CDH13: variants seen among roughly 807,000 people sequenced by gnomAD.
CDH13 encodes cadherin 13, also known as cadherin-13.
CDH13 carries 24 observed loss-of-function variants against 63.8 expected under a neutral mutation model. The ratio of observed to expected loss-of-function variants is 0.38; its 90% confidence interval spans 0.27 to 0.53. CDH13 has a LOEUF of 0.53. Among genes scored for constraint, CDH13 ranks in the 20% least tolerant of loss-of-function variants. CDH13 has a pLI of 0.85. For missense variants in CDH13, 1,049 were observed against 903.1 expected (o/e 1.16, Z -2.07); for synonymous variants, 503 against 355.3 (o/e 1.42, Z -4.67).
intron 1 of CDH13, among the ~76,000 whole-genome samples, chr16:82,784,446 C>A (rs775995714): frequency 6.6e-6 from 1 of 152,090 alleles, no homozygotes. Context: ...GAAGGGACAG[C>A]GAATGCTCTC....
At chr16:82,717,569 T>C (rs191794438) in intron 1 of CDH13, among the ~76,000 whole-genome samples, 2 of 152,198 alleles carry the variant, frequency 1.3e-5, no homozygotes, top group Admixed American at 1.3e-4. Flanking sequence ...CTCTTTTAGA[T>C]CCTGGTGGTT....
rs1355435562 is a variant in CDH13 at position 83,068,197 on chromosome 16, T to G, written c.366+35979T>G. Among the ~76,000 whole-genome samples, 2 of 152,220 alleles carry G rather than the reference T, an allele frequency of 1.3e-5. 1 individual carries two copies. The highest frequency in any genetic ancestry group is 2.9e-5 in the Non-Finnish European group (2 of 68,042). ...CTTCCAATGAAATTAGAATCATATTTCTATACATTTTCTTAAGTGCCAGAC... is the reference window on the plus strand; with the variant it reads ...CTTCCAATGAAATTAGAATCATATTGCTATACATTTTCTTAAGTGCCAGAC... On this transcript the variant is annotated intron_variant, in intron 3 of 13. Coordinates refer to ENST00000567109, the MANE Select transcript of CDH13 (RefSeq NM_001257.5).
At chr16:82,770,693 G>A (rs2035226670) in intron 1 of CDH13, among the ~76,000 whole-genome samples, 2 of 151,950 alleles carry the variant, frequency 1.3e-5, no homozygotes, top group Non-Finnish European at 2.9e-5. Flanking sequence ...TATTATTGTG[G>A]CACACTTATT....
At chr16:82,764,490 T>C (rs1261187054) in intron 1 of CDH13, among the ~76,000 whole-genome samples, 2 of 152,164 alleles carry the variant, frequency 1.3e-5, no homozygotes, top group South Asian at 2.1e-4. Flanking sequence ...GGGAAGCAGA[T>C]AGATGTGCTA....
chr16:83,178,380 A>G (rs776319326), intron 4 of CDH13, among the ~76,000 whole-genome samples: 2 of 152,212 alleles, frequency 1.3e-5, no homozygotes, highest in African/African-American at 4.8e-5. Flanking sequence ...CCACTGATTT[A>G]GATCCTGTCT....
At chr16:82,855,823 T>C (rs1268176677) in intron 1 of CDH13, among the ~76,000 whole-genome samples, 3 of 152,196 alleles carry the variant, frequency 2.0e-5, no homozygotes, top group Non-Finnish European at 2.9e-5. Flanking sequence ...CCTCCTGAGA[T>C]TGATTCTTGC....
At chr16:83,325,668 G>A (rs1045861297) in intron 5 of CDH13, among the ~76,000 whole-genome samples, 1 of 152,106 alleles carries the variant, frequency 6.6e-6, no homozygotes, top group Non-Finnish European at 1.5e-5. Flanking sequence ...AGAGTATTTT[G>A]ATACTTGATA....
chr16:82,913,363 A>G (rs975396772), intron 2 of CDH13, among the ~76,000 whole-genome samples: 3 of 152,164 alleles, frequency 2.0e-5, no homozygotes, highest in African/African-American at 7.2e-5. Flanking sequence ...TGTGTCGTTC[A>G]GCCAGGTGCA....
chr16:83,275,357 A>G (rs1002286802), intron 5 of CDH13, among the ~76,000 whole-genome samples: 1 of 152,172 alleles, frequency 6.6e-6, no homozygotes, highest in East Asian at 1.9e-4. Context: ...GGTCATGTCC[A>G]CCTAATAGAA....
intron 6 of CDH13, among the ~76,000 whole-genome samples, chr16:83,363,881 G>A (rs139382644): frequency 1.7e-3 from 264 of 152,240 alleles, no homozygotes; most frequent in African/African-American, 5.9e-3. Context: ...ATATCAGAGA[G>A]GGTCACAGGA....
chr16:83,773,951 G>C (rs1914933058), intron 11 of CDH13, among the ~76,000 whole-genome samples: 1 of 152,090 alleles, frequency 6.6e-6, no homozygotes, highest in South Asian at 2.1e-4. Flanking sequence ...TTCCCTGCCT[G>C]GCATGGTCTT....
chr16:83,414,159 C>G (rs950464724), intron 6 of CDH13, among the ~76,000 whole-genome samples: 1 of 152,148 alleles, frequency 6.6e-6, no homozygotes, highest in East Asian at 1.9e-4. Flanking sequence ...ATTCCTACAT[C>G]CAATAGCTGT....
chr16:83,127,840 C>A (rs1456040941), intron 4 of CDH13, among the ~76,000 whole-genome samples: 1 of 152,150 alleles, frequency 6.6e-6, no homozygotes, highest in East Asian at 1.9e-4. Context: ...GCCAAAGATA[C>A]CTTTCTCTAA....
intron 4 of CDH13, among the ~76,000 whole-genome samples, chr16:83,130,445 T>C (rs909614451): frequency 6.6e-6 from 1 of 152,188 alleles, no homozygotes; most frequent in African/African-American, 2.4e-5. Context: ...TCACTGACAA[T>C]TTCTCTTTTT....
At chr16:83,251,631 C>G (rs1035114399) in intron 5 of CDH13, among the ~76,000 whole-genome samples, 9 of 152,218 alleles carry the variant, frequency 5.9e-5, no homozygotes, top group Non-Finnish European at 1.0e-4. Context: ...GGCACATCAC[C>G]TGTCTCTCCT....
intron 3 of CDH13, among the ~76,000 whole-genome samples, chr16:83,058,532 A>G (rs2031189734): frequency 6.6e-6 from 1 of 152,064 alleles, no homozygotes; most frequent in Non-Finnish European, 1.5e-5. Context: ...CCAAATTCCA[A>G]CCATGTTGCC....
chr16:83,174,073 C>G (rs75971564), intron 4 of CDH13, among the ~76,000 whole-genome samples: 2,038 of 145,544 alleles, frequency 0.014, 74 homozygotes, highest in South Asian at 0.12. Flanking sequence ...AAACCCAAAT[C>G]TGATGCCTTG....
intron 2 of CDH13, among the ~76,000 whole-genome samples, chr16:82,908,500 G>A (rs1333865545): frequency 2.6e-5 from 4 of 152,214 alleles, no homozygotes; most frequent in Non-Finnish European, 5.9e-5. Context: ...GGCATCAGAT[G>A]AAGGCATTTT....
chr16:82,717,668 C>G (rs999104657), intron 1 of CDH13, among the ~76,000 whole-genome samples: 5 of 152,154 alleles, frequency 3.3e-5, no homozygotes, highest in Admixed American at 6.6e-5. Context: ...CTCTGCCCCC[C>G]TCTTATGAAG....
Sources: gnomAD v4.1 joint callset for allele counts (sites outside exome capture counted in the v4.1 genomes callset) on GRCh38, gnomAD v4.1.1 for gene constraint, MANE v1.5 for transcripts, NCBI Gene and HGNC (gene_info 2026-07-23, HGNC 2026-07-21) for gene names.